Variants in GP9 observed in about 807,000 individuals in gnomAD.
The protein encoded by GP9 is glycoprotein IX platelet, also known as platelet glycoprotein IX.
For missense variants in GP9, 228 were observed against 241.8 expected (o/e 0.94, Z 0.38); for synonymous variants, 116 against 116.7 (o/e 0.99, Z 0.04).
At position 129,061,479 on chromosome 3, in the gene GP9, T is replaced by G. The variant is rs973019547; in HGVS notation, c.-138-15T>G. 7.7e-5 allele frequency: 45 copies of G among 581,652 alleles called. No individual in the cohort carries two copies. The highest frequency in any genetic ancestry group is 9.3e-4 in the Middle Eastern group (2 of 2,162). 36.0% of individuals were successfully genotyped at this position (581,652 alleles called of 1,614,324 possible). On this transcript the variant is annotated splice_polypyrimidine_tract_variant and intron_variant, in intron 1 of 2. Coordinates refer to ENST00000307395, the MANE Select transcript of GP9 (RefSeq NM_000174.5). ...TCCCTTCCCCTTCCCAAAAACAAAC[T>G]TACCCAATCCACAGCCGCCCTCACC...
chr3:129,060,595 G>A (rs1042595591), upstream of GP9, among the ~76,000 whole-genome samples: 11 of 152,262 alleles, frequency 7.2e-5, no homozygotes, highest in African/African-American at 2.7e-4. Flanking sequence ...TCAAGGCACT[G>A]GCGGCACAGT....
In GP9 at chr3:129,062,037, C is replaced by A. The variant is rs889759228; in HGVS notation, c.298C>A (p.Leu100Met). 3 of 1,613,234 alleles carry A rather than the reference C, an allele frequency of 1.9e-6. No individual in the cohort carries two copies. Among genetic ancestry groups the A allele is most frequent in the African/African-American group, 1.3e-5 (1 of 74,940 alleles). The change falls in exon 3 of 3, where the codon CTG becomes ATG. Residue 100 changes from leucine (L) to methionine (M), a missense_variant. By Grantham distance (15) the Leu-to-Met change is conservative (BLOSUM62 2). Coordinates refer to ENST00000307395, the MANE Select transcript of GP9 (RefSeq NM_000174.5). ...DCSLTYLRLWLEDRTPEALLQ... is the reference protein window; with the variant it reads ...DCSLTYLRLWMEDRTPEALLQ... Reference sequence around the variant, plus strand: ...CAGCCTCACCTATCTGCGCCTCTGGCTGGAGGACCGCACGCCCGAGGCCCT... The same window carrying A: ...CAGCCTCACCTATCTGCGCCTCTGGATGGAGGACCGCACGCCCGAGGCCCT...
rs992855691 is a variant in GP9, at chr3:129,061,919, C to A, written c.180C>A (p.Asn60Lys). Residue 60 changes from asparagine (N) to lysine (K), a missense_variant, in exon 3 of 3, where the codon AAC becomes AAA. Physicochemically the swap from Asn to Lys is moderately conservative, Grantham distance 94. Transcript: ENST00000307395. ...PARTRHLLLA[N>K]NSLQSVPPGA... ...GCACCCGCCACCTTCTGCTGGCCAACAACAGCCTTCAGTCCGTGCCCCCGG... is the reference window on the plus strand; with the variant it reads ...GCACCCGCCACCTTCTGCTGGCCAAAAACAGCCTTCAGTCCGTGCCCCCGG... 1.4e-5 allele frequency: 23 copies of A among 1,613,840 alleles called. No homozygotes were observed. The highest frequency in any genetic ancestry group is 1.9e-5 in the Non-Finnish European group (22 of 1,179,898).
the GP9 span, among the ~76,000 whole-genome samples, chr3:129,055,670 A>G: frequency 4.1e-5 from 6 of 147,264 alleles, no homozygotes; most frequent in African/African-American, 1.3e-4. Context: ...TTTAAGACAG[A>G]GTCTTGCTCT....
chr3:129,055,147 G>A, the GP9 span, among the ~76,000 whole-genome samples: 1 of 152,156 alleles, frequency 6.6e-6, no homozygotes, highest in African/African-American at 2.4e-5. Flanking sequence ...GAGGTATAAC[G>A]AGGCTTCTGA....
At chr3:129,061,679 G>C (rs1489802488) in intron 2 of GP9, 49 bp from the exon 3 acceptor site, 1 of 1,433,296 alleles carries the variant, frequency 7.0e-7, no homozygotes, top group African/African-American at 1.4e-5. Context: ...CCGTCCCTGA[G>C]GATCGGTCCA....
upstream of GP9, among the ~76,000 whole-genome samples, chr3:129,058,519 G>A (rs535454546): frequency 1.8e-4 from 27 of 152,270 alleles, no homozygotes; most frequent in African/African-American, 5.5e-4. Context: ...AGATGGGAAC[G>A]AAAGCAACCG....
In GP9 at chr3:129,061,847, G is replaced by A. The variant is rs763255801; in HGVS notation, c.108G>A (p.Val36=). The change falls in exon 3 of 3, where the codon GTG becomes GTA. Residue 36 remains valine, a synonymous_variant. Transcript: ENST00000307395. ...CCCTGGAAACCATGGGGCTGTGGGT[G>A]GACTGCAGGGGCCACGGACTCACGG... ...CRALETMGLW[V]DCRGHGLTAL... is the part of the protein sequence containing the mutation. The A allele has an allele frequency of 3.7e-6, 6 of 1,612,208 alleles. No individual in the cohort carries two copies. Among genetic ancestry groups the A allele is most frequent in the African/African-American group, 2.7e-5 (2 of 74,900 alleles).
At chr3:129,059,342 A>G (rs1342134371), upstream of GP9, among the ~76,000 whole-genome samples, 1 of 152,216 alleles carries the variant, frequency 6.6e-6, no homozygotes, top group African/African-American at 2.4e-5. Context: ...CTGGCCTGGC[A>G]GCTCCAGCAC....
chr3:129,062,193 G>A lies in GP9; in HGVS notation c.454G>A (p.Val152Met), dbSNP rs116821050. ...GGTGCGCCCGGGGGTCTTGTGGGAC[G>A]TGGCGCTGGTCGCCGTGGCCGCGCT... The part of the protein sequence containing the change: ...SWVRPGVLWD[V>M]ALVAVAALGL... The change falls in exon 3 of 3, where the codon GTG becomes ATG. Residue 152 changes from valine (V) to methionine (M), a missense_variant. Val to Met is a conservative substitution (Grantham distance 21, BLOSUM62 1). Transcript: ENST00000307395. 54 of 1,571,036 alleles carry A rather than the reference G, an allele frequency of 3.4e-5. No homozygotes were observed. The highest frequency in any genetic ancestry group is 1.3e-4 in the African/African-American group (10 of 74,324).
Position 129,062,311 on chromosome 3 carries a change from C to G in GP9, c.*38C>G. On this transcript the variant is annotated 3_prime_UTR_variant, in exon 3 of 3. Coordinates refer to ENST00000307395, the MANE Select transcript of GP9 (RefSeq NM_000174.5). ...GAACCCCTGGCTCCAGGCCAGGGGG[C>G]CAGTCCCTGAGGCAGGTCCCCAGAC... The G allele has an allele frequency of 6.9e-7, 1 of 1,447,682 alleles. No individual in the cohort carries two copies. The highest frequency in any genetic ancestry group is 9.4e-7 in the Non-Finnish European group (1 of 1,062,818). 89.7% of individuals were successfully genotyped at this position (1,447,682 alleles called of 1,614,324 possible).
At chr3:129,058,569 T>C (rs1290597280), upstream of GP9, among the ~76,000 whole-genome samples, 1 of 152,192 alleles carries the variant, frequency 6.6e-6, no homozygotes, top group Non-Finnish European at 1.5e-5. Flanking sequence ...ACACTCCCCC[T>C]GGCACCATGG....
upstream of GP9, among the ~76,000 whole-genome samples, chr3:129,059,067 CATATGGGTAA>C (rs1946548198): frequency 6.6e-6 from 1 of 152,208 alleles, no homozygotes; most frequent in Admixed American, 6.5e-5. Context: ...TGTATTTACC[CATATGGGTAA>C]ATACACATGG....
At position 129,062,405 on chromosome 3, in the gene GP9, A is replaced by G; in HGVS notation, c.*132A>G. On this transcript the variant is annotated 3_prime_UTR_variant, in exon 3 of 3. Transcript: ENST00000307395. ...AACTGGCAGCTCAGCTGTTTTATAT[A>G]AGCTCAGAGATTTTTTTTTTTTCCC... The G allele has an allele frequency of 4.8e-6, 3 of 618,590 alleles. No homozygotes were observed. The South Asian group carries it at 6.6e-5, about 14-fold the overall frequency. The allele number at this position is 618,590 out of a possible 1,614,324, so 38.3% of individuals were successfully genotyped here. A position where few individuals can be genotyped will look rare whatever the true frequency, so the allele number is the denominator to read the frequency against.
Position 129,062,296 on chromosome 3 carries a change from C to A in GP9, c.*23C>A. ...TGAGCCAGGCCCCCAGAACCCCTGG[C>A]TCCAGGCCAGGGGGCCAGTCCCTGA... On this transcript the variant is annotated 3_prime_UTR_variant, in exon 3 of 3. Coordinates refer to ENST00000307395, the MANE Select transcript of GP9 (RefSeq NM_000174.5). 1 of 1,521,460 alleles carries A rather than the reference C, an allele frequency of 6.6e-7. No homozygotes were observed. The highest frequency in any genetic ancestry group is 8.9e-7 in the Non-Finnish European group (1 of 1,125,654). The allele number at this position is 1,521,460 out of a possible 1,614,324, so 94.2% of individuals were successfully genotyped here.
upstream of GP9, among the ~76,000 whole-genome samples, chr3:129,058,691 G>T (rs1173157715): frequency 6.6e-6 from 1 of 152,256 alleles, no homozygotes; most frequent in Non-Finnish European, 1.5e-5. Context: ...CCCTGAATTT[G>T]CATGTAATGA....
chr3:129,057,590 G>A (rs367597293), upstream of GP9, among the ~76,000 whole-genome samples: 2 of 152,134 alleles, frequency 1.3e-5, no homozygotes, highest in Admixed American at 6.5e-5. Context: ...TTTTATTTGC[G>A]ATGGGAAGCC....
At chr3:129,058,303 A>G (rs866282988), upstream of GP9, among the ~76,000 whole-genome samples, 19 of 152,386 alleles carry the variant, frequency 1.2e-4, no homozygotes, top group Middle Eastern at 3.4e-3. Context: ...CTGCTGTCAC[A>G]AGAGGCTTAA....
At chr3:129,059,718 G>A (rs993464992), upstream of GP9, among the ~76,000 whole-genome samples, 8 of 152,134 alleles carry the variant, frequency 5.3e-5, no homozygotes, top group South Asian at 2.1e-4. Context: ...ACCAGGAGGC[G>A]GGGAGAGAAC....
Sources: allele counts gnomAD v4.1 joint callset (sites outside exome capture counted in the v4.1 genomes callset), GRCh38; gene constraint gnomAD v4.1.1; transcripts MANE v1.5; gene names NCBI Gene and HGNC (gene_info 2026-07-23, HGNC 2026-07-21).